The following ZNF385D variants were observed in gnomAD, a reference collection of about 807,000 sequenced individuals.
ZNF385D encodes zinc finger protein 659.
A neutral mutation model predicts 35.8 loss-of-function variants in ZNF385D; 15 were observed. That is an observed-to-expected ratio of 0.42 (90% CI 0.28 to 0.64). ZNF385D has a LOEUF of 0.64. Ranked by LOEUF, ZNF385D falls within the 30% of genes least tolerant of loss-of-function variation. The pLI is 0.23. For synonymous variants in ZNF385D, 212 were observed against 186.8 expected (o/e 1.13, Z -1.10); for missense variants, 474 against 494.6 (o/e 0.96, Z 0.39).
intron 3 of ZNF385D, among the ~76,000 whole-genome samples, chr3:21,540,729 C>T (rs968740386): frequency 1.3e-5 from 2 of 152,134 alleles, no homozygotes; most frequent in Non-Finnish European, 2.9e-5. Flanking sequence ...CTCATTTATG[C>T]CCAATAAAGA....
chr3:22,225,418 C>T (rs1055215058), intron 2 of ZNF385D, among the ~76,000 whole-genome samples: 1 of 152,100 alleles, frequency 6.6e-6, no homozygotes, highest in East Asian at 1.9e-4. Context: ...TGTGGCAGGT[C>T]AGAAGTGCCA....
At chr3:21,862,402 A>G (rs1345518816) in intron 3 of ZNF385D, among the ~76,000 whole-genome samples, 8 of 152,018 alleles carry the variant, frequency 5.3e-5, no homozygotes, top group Admixed American at 3.9e-4. Context: ...AATGTCGACC[A>G]GCCTGAGATT....
At chr3:22,222,336 G>GA (rs900049462) in intron 2 of ZNF385D, among the ~76,000 whole-genome samples, 16 of 148,548 alleles carry the variant, frequency 1.1e-4, no homozygotes, top group African/African-American at 2.0e-4. Context: ...TTCAAAAAAA[G>GA]AAAAAAAAAT....
chr3:21,613,136 G>C (rs1294055620), intron 2 of ZNF385D, among the ~76,000 whole-genome samples: 1 of 151,834 alleles, frequency 6.6e-6, no homozygotes, highest in African/African-American at 2.4e-5. Flanking sequence ...TGGAAAGAAT[G>C]TTCTTAGAAG....
intron 2 of ZNF385D, among the ~76,000 whole-genome samples, chr3:22,188,709 CA>C (rs550854866): frequency 2.8e-4 from 43 of 152,292 alleles, no homozygotes; most frequent in African/African-American, 9.6e-4. Flanking sequence ...CTCAGACTCC[CA>C]AAGTGCTGAG....
At chr3:22,172,322 C>T (rs1226127573) in intron 2 of ZNF385D, among the ~76,000 whole-genome samples, 1 of 152,176 alleles carries the variant, frequency 6.6e-6, no homozygotes, top group Non-Finnish European at 1.5e-5. Context: ...TACTGATTTA[C>T]TCTTGCAGAC....
chr3:21,749,911 G>C (rs1011644568), intron 1 of ZNF385D, among the ~76,000 whole-genome samples: 1 of 152,020 alleles, frequency 6.6e-6, no homozygotes, highest in Admixed American at 6.6e-5. Context: ...GAAGACGCTA[G>C]ATTTAATATT....
intron 3 of ZNF385D, among the ~76,000 whole-genome samples, chr3:22,049,649 A>G (rs1158463340): frequency 6.6e-6 from 1 of 152,176 alleles, no homozygotes; most frequent in Non-Finnish European, 1.5e-5. Flanking sequence ...ATACCCGTGG[A>G]CTTATCATAT....
At chr3:21,548,501 A>G (rs1267040811) in intron 3 of ZNF385D, among the ~76,000 whole-genome samples, 1 of 152,148 alleles carries the variant, frequency 6.6e-6, no homozygotes, top group Non-Finnish European at 1.5e-5. Flanking sequence ...CTGTGCTTCC[A>G]GTTTTACCCA....
In ZNF385D at chr3:21,760,622, G is replaced by C. The variant is rs560363009; in HGVS notation, c.326-95594C>G. On this transcript the variant is annotated intron_variant, in intron 3 of 5. Coordinates refer to the ZNF385D transcript ENST00000494108. ...AACTCTATGCACAGATTAGGTATTT[G>C]AAATAAAAGGTCATACTTTTCTTTA... Among the ~76,000 whole-genome samples, 6 of 152,288 alleles carry C rather than the reference G, an allele frequency of 3.9e-5. No individual in the cohort carries two copies. In the East Asian group the frequency reaches 1.2e-3, roughly 29 times the overall value.
At chr3:22,254,637 G>GT (rs528699653) in intron 2 of ZNF385D, among the ~76,000 whole-genome samples, 84 of 151,780 alleles carry the variant, frequency 5.5e-4, no homozygotes, top group African/African-American at 2.0e-3. Context: ...TGTATATTTT[G>GT]TTTTTTCCTA....
chr3:21,727,611 A>T (rs898427799), intron 1 of ZNF385D, among the ~76,000 whole-genome samples: 4 of 152,246 alleles, frequency 2.6e-5, no homozygotes, highest in African/African-American at 7.2e-5. Flanking sequence ...CAAAACCGCA[A>T]TGAGATACCA....
At chr3:21,843,242 A>G (rs1172795204) in intron 3 of ZNF385D, among the ~76,000 whole-genome samples, 1 of 151,948 alleles carries the variant, frequency 6.6e-6, no homozygotes, top group Non-Finnish European at 1.5e-5. Flanking sequence ...AAAAAGGTTT[A>G]AGAACCAGCA....
At chr3:22,002,579 G>A (rs986705838) in intron 3 of ZNF385D, among the ~76,000 whole-genome samples, 6 of 152,114 alleles carry the variant, frequency 3.9e-5, no homozygotes, top group Non-Finnish European at 8.8e-5. Context: ...CTCATTTTAT[G>A]AGGCCAGCAG....
Position 21,822,526 on chromosome 3 carries a change from C to T in ZNF385D, c.326-157498G>A, listed in dbSNP as rs183088050. On this transcript the variant is annotated intron_variant, in intron 3 of 5. Coordinates refer to the ZNF385D transcript ENST00000494108. ...AATTTTGCAAAATGATTTGTCATTA[C>T]CTAGAAAATTTAGACATATGTATCC... 6.7e-3 allele frequency among the ~76,000 whole-genome samples: 1,013 copies of T among 152,108 alleles called. 4 individuals are homozygous for T. The highest frequency in any genetic ancestry group is 0.011 in the Non-Finnish European group (775 of 67,980).
At position 22,174,651 on chromosome 3, in the gene ZNF385D, T is replaced by G. The variant is rs556388311; in HGVS notation, c.107-5616A>C. 3.3e-5 allele frequency among the ~76,000 whole-genome samples: 5 copies of G among 152,234 alleles called. No individual in the cohort carries two copies. The East Asian group carries it at 9.6e-4, about 29-fold the overall frequency. ...AACACTGAAAATTCCTTTAGAAATCTTGATATGATAATATCTCCAGAAATT... is the reference window on the plus strand; with the variant it reads ...AACACTGAAAATTCCTTTAGAAATCGTGATATGATAATATCTCCAGAAATT... On this transcript the variant is annotated intron_variant, in intron 2 of 5. Coordinates refer to the ZNF385D transcript ENST00000494108.
At chr3:21,956,045 C>T (rs879868458) in intron 3 of ZNF385D, among the ~76,000 whole-genome samples, 18 of 151,920 alleles carry the variant, frequency 1.2e-4, no homozygotes, top group Admixed American at 7.2e-4. Context: ...AAATTATCCA[C>T]GTCTAGTGGC....
chr3:21,667,395 C>T (rs1475451087), intron 1 of ZNF385D, among the ~76,000 whole-genome samples: 1 of 152,114 alleles, frequency 6.6e-6, no homozygotes, highest in East Asian at 1.9e-4. Flanking sequence ...CTCCTGAGCT[C>T]AAGCAATCCA....
chr3:21,747,624 T>C (rs1387502592), intron 1 of ZNF385D, among the ~76,000 whole-genome samples: 1 of 152,156 alleles, frequency 6.6e-6, no homozygotes, highest in Non-Finnish European at 1.5e-5. Flanking sequence ...AATTCAAACA[T>C]ACGGTGCTTA....
Sources: allele counts gnomAD v4.1 joint callset (sites outside exome capture counted in the v4.1 genomes callset), GRCh38; gene constraint gnomAD v4.1.1; transcripts MANE v1.5; gene names NCBI Gene and HGNC (gene_info 2026-07-23, HGNC 2026-07-21).